The following SEMA3D variants were observed in gnomAD, a reference collection of about 807,000 sequenced individuals.
The protein encoded by SEMA3D is semaphorin-3D.
SEMA3D carries 84 observed loss-of-function variants against 100.1 expected under a neutral mutation model. That is an observed-to-expected ratio of 0.84 (90% confidence interval 0.70 to 1.01). The LOEUF is 1.01. Among genes scored for constraint, SEMA3D ranks in the 50% least tolerant of loss-of-function variants. The probability of loss-of-function intolerance (pLI) is 0.00; values close to 1 mark genes in which losing one functional copy is unlikely to be tolerated. For missense variants in SEMA3D, 875 were observed against 934.1 expected, an observed-to-expected ratio of 0.94 and a Z score of 0.82; for synonymous variants, 312 against 320.7, an observed-to-expected ratio of 0.97 and a Z score of 0.29.
upstream of SEMA3D, among the ~76,000 whole-genome samples, chr7:85,191,271 G>A (rs1238527588): frequency 2.0e-5 from 3 of 152,028 alleles, no homozygotes; most frequent in African/African-American, 7.2e-5. Context: ...GTTGCAGATT[G>A]GGATAATTTA....
chr7:85,233,374 G>T, the SEMA3D span, among the ~76,000 whole-genome samples: 1 of 152,168 alleles, frequency 6.6e-6, no homozygotes, highest in Non-Finnish European at 1.5e-5. Flanking sequence ...GATCAAGTTC[G>T]AATGTGTGAG....
At chr7:85,156,804 T>C (rs929214525) in intron 1 of SEMA3D, among the ~76,000 whole-genome samples, 3 of 152,148 alleles carry the variant, frequency 2.0e-5, no homozygotes, top group Non-Finnish European at 4.4e-5. Flanking sequence ...CAAAATACCA[T>C]TAGCATAACA....
chr7:85,200,708 C>T, the SEMA3D span, among the ~76,000 whole-genome samples: 1 of 152,132 alleles, frequency 6.6e-6, no homozygotes, highest in Non-Finnish European at 1.5e-5. Flanking sequence ...TGTTAATTGC[C>T]CAAACAATGG....
At chr7:85,100,560 T>C (rs1788714339) in intron 3 of SEMA3D, among the ~76,000 whole-genome samples, 2 of 152,050 alleles carry the variant, frequency 1.3e-5, no homozygotes, top group Admixed American at 1.3e-4. Flanking sequence ...AGTAGCCTAT[T>C]ATTAATTGAT....
chr7:85,109,981 C>A (rs1448923711), intron 3 of SEMA3D, among the ~76,000 whole-genome samples: 2 of 151,936 alleles, frequency 1.3e-5, no homozygotes, highest in African/African-American at 4.8e-5. Flanking sequence ...TGCCTTTAGA[C>A]AAACCATGCC....
At chr7:85,038,346 G>C (rs566854740) in intron 11 of SEMA3D, among the ~76,000 whole-genome samples, 1 of 152,294 alleles carries the variant, frequency 6.6e-6, no homozygotes, top group Admixed American at 6.5e-5. Context: ...ACTAGCTCCT[G>C]AGAATGGAGG....
At chr7:85,007,780 C>A (rs1287373337) in intron 17 of SEMA3D, among the ~76,000 whole-genome samples, 2 of 151,688 alleles carry the variant, frequency 1.3e-5, no homozygotes, top group Non-Finnish European at 2.9e-5. Flanking sequence ...TCAGATATCT[C>A]AATTTTACAG....
At chr7:85,045,959 T>C (rs1042273124) in intron 9 of SEMA3D, among the ~76,000 whole-genome samples, 12 of 151,866 alleles carry the variant, frequency 7.9e-5, no homozygotes, top group Non-Finnish European at 1.3e-4. Context: ...ATTTATTAAA[T>C]TTTCTTTGCC....
At chr7:85,060,923 A>G (rs1209048270) in intron 8 of SEMA3D, among the ~76,000 whole-genome samples, 1 of 152,160 alleles carries the variant, frequency 6.6e-6, no homozygotes, top group Non-Finnish European at 1.5e-5. Flanking sequence ...AAACAAAAAC[A>G]TCTGCATGCA....
chr7:85,126,734 CAA>C (rs1457433579), intron 2 of SEMA3D, among the ~76,000 whole-genome samples: 1 of 151,650 alleles, frequency 6.6e-6, no homozygotes, highest in Non-Finnish European at 1.5e-5. Flanking sequence ...GACAGCACAA[CAA>C]AGAGGGATTA....
At position 84,999,799 on chromosome 7, in the gene SEMA3D, CCTT is replaced by C. The variant is rs1284356385; in HGVS notation, c.1972_1974del (p.Lys658del). The C allele has an allele frequency of 5.6e-6, 9 of 1,613,888 alleles. No individual in the cohort carries two copies. Among genetic ancestry groups the C allele is most frequent in the African/African-American group, 1.3e-5 (1 of 74,902 alleles). On this transcript the variant is annotated inframe_deletion, in exon 19 of 19. Transcript: ENST00000284136. Reference sequence around the variant, plus strand: ...GCTTTGCAGTAATACATCCCAGAATCCTTCTTCTGCAAACTTCGAATCAGTAGC... The same window carrying C: ...GCTTTGCAGTAATACATCCCAGAATCCTTCTGCAAACTTCGAATCAGTAGC...
intron 12 of SEMA3D, chr7:85,029,000 TG>T (rs1256947771): frequency 2.6e-6 from 1 of 385,512 alleles, no homozygotes; most frequent in Non-Finnish European, 5.2e-6. Flanking sequence ...CAAGATTTTC[TG>T]TTTTTGGATG....
intron 9 of SEMA3D, among the ~76,000 whole-genome samples, chr7:85,044,215 A>G (rs1223103128): frequency 6.6e-6 from 1 of 152,064 alleles, no homozygotes; most frequent in Non-Finnish European, 1.5e-5. Context: ...TTAAATGACT[A>G]CAACAAACAA....
At chr7:85,217,424 T>G in the SEMA3D span, among the ~76,000 whole-genome samples, 1 of 152,100 alleles carries the variant, frequency 6.6e-6, no homozygotes, top group Non-Finnish European at 1.5e-5. Flanking sequence ...ACAGATCTTA[T>G]AGTTTAACAA....
chr7:85,244,804 G>A, the SEMA3D span, among the ~76,000 whole-genome samples: 5 of 148,592 alleles, frequency 3.4e-5, no homozygotes, highest in African/African-American at 1.2e-4. Context: ...TCTGAGTCCT[G>A]GGTTCAAGTG....
the SEMA3D span, among the ~76,000 whole-genome samples, chr7:85,236,295 T>TTATTTATTTATG: frequency 4.1e-5 from 6 of 147,202 alleles, no homozygotes; most frequent in African/African-American, 1.5e-4. Flanking sequence ...ATTTATTTAT[T>TTATTTATTTATG]TATTTATTTA....
At chr7:85,082,717 T>C (rs1385851184) in intron 4 of SEMA3D, among the ~76,000 whole-genome samples, 1 of 152,236 alleles carries the variant, frequency 6.6e-6, no homozygotes. Flanking sequence ...GGTGAAATTT[T>C]AGGGTTTTAT....
chr7:85,017,617 T>C (rs562269640), intron 15 of SEMA3D, among the ~76,000 whole-genome samples: 24 of 151,878 alleles, frequency 1.6e-4, no homozygotes, highest in African/African-American at 5.5e-4. Context: ...AATAGTGCAG[T>C]TTGAATCTCT....
the SEMA3D span, among the ~76,000 whole-genome samples, chr7:85,235,219 CTT>C: frequency 6.6e-6 from 1 of 152,242 alleles, no homozygotes; most frequent in African/African-American, 2.4e-5. Flanking sequence ...CATATATATA[CTT>C]ATATACACAT....
Sources: allele counts gnomAD v4.1 joint callset (sites outside exome capture counted in the v4.1 genomes callset), GRCh38; gene constraint gnomAD v4.1.1; transcripts MANE v1.5; gene names NCBI Gene and HGNC (gene_info 2026-07-23, HGNC 2026-07-21).